PAMR1: variants seen among roughly 807,000 people sequenced by gnomAD.
PAMR1 encodes the protein peptidase domain containing associated with muscle regeneration 1.
PAMR1 carries 88 observed loss-of-function variants against 81.8 expected under a neutral mutation model. The ratio of observed to expected loss-of-function variants is 1.08; its 90% CI spans 0.91 to 1.28. The LOEUF (loss-of-function observed/expected upper bound fraction) is 1.28, where lower values mean the gene tolerates loss of function less well. PAMR1 is among the 50% of genes most tolerant of loss of function. The pLI is 0.00. For missense variants in PAMR1, 935 were observed against 919.7 expected, an observed-to-expected ratio of 1.02 and a Z score of -0.21; for synonymous variants, 336 against 345.3, an observed-to-expected ratio of 0.97 and a Z score of 0.30.
intron 1 of PAMR1, among the ~76,000 whole-genome samples, chr11:35,500,538 A>G (rs540403886): frequency 6.6e-6 from 1 of 152,380 alleles, no homozygotes; most frequent in African/African-American, 2.4e-5. Flanking sequence ...GGGAAAACTT[A>G]GAATGCTATA....
chr11:35,497,687 C>T (rs988653162), intron 1 of PAMR1, among the ~76,000 whole-genome samples: 1 of 152,024 alleles, frequency 6.6e-6, no homozygotes, highest in African/African-American at 2.4e-5. Context: ...TTTGTGTGTC[C>T]ATAAACCCTA....
chr11:35,480,689 C>T (rs961272510), intron 3 of PAMR1, among the ~76,000 whole-genome samples: 7 of 152,110 alleles, frequency 4.6e-5, no homozygotes, highest in Admixed American at 6.5e-5. Flanking sequence ...ATTTCTTTTT[C>T]TTTTTTTATT....
chr11:35,484,791 C>T (rs1001667360), intron 3 of PAMR1, among the ~76,000 whole-genome samples: 2 of 152,172 alleles, frequency 1.3e-5, no homozygotes, highest in Non-Finnish European at 2.9e-5. Context: ...ACTGCCATGC[C>T]AGCTAGAAGT....
Position 35,432,500 on chromosome 11 carries a change from G to A in PAMR1, c.2019C>T (p.Phe673=). 2 of 1,614,234 alleles carry A rather than the reference G, an allele frequency of 1.2e-6. No individual in the cohort carries two copies. The highest frequency in any genetic ancestry group is 1.1e-5 in the South Asian group (1 of 91,080). Residue 673 remains phenylalanine (F), a synonymous_variant, in exon 11 of 11, where the codon TTC becomes TTT. Coordinates refer to ENST00000619888, the MANE Select transcript of PAMR1 (RefSeq NM_001001991.3). The part of the protein sequence containing the change: ...AETGGIAAVS[F]PGRASPEPRW... ...GTGGCTCAGGAGATGCTCGTCCCGG[G>A]AAGGACACAGCCGCGATGCCTCCTG...
At chr11:35,475,383 A>G (rs761442056) in intron 3 of PAMR1, among the ~76,000 whole-genome samples, 14 of 152,200 alleles carry the variant, frequency 9.2e-5, no homozygotes, top group Non-Finnish European at 2.1e-4. Context: ...CAAGATCACC[A>G]ATAAAACTCA....
chr11:35,516,142 C>T (rs956157826), intron 1 of PAMR1, among the ~76,000 whole-genome samples: 2 of 152,122 alleles, frequency 1.3e-5, no homozygotes, highest in Admixed American at 1.3e-4. Flanking sequence ...CACAATTATC[C>T]TCAGTCTGCA....
chr11:35,434,006 C>T (rs962269816), intron 10 of PAMR1, among the ~76,000 whole-genome samples: 6 of 152,114 alleles, frequency 3.9e-5, no homozygotes, highest in Non-Finnish European at 7.4e-5. Context: ...TAGGACAGTG[C>T]CCAAATGTAA....
chr11:35,463,117 T>C (rs931239518), intron 6 of PAMR1, among the ~76,000 whole-genome samples: 1 of 152,240 alleles, frequency 6.6e-6, no homozygotes, highest in Non-Finnish European at 1.5e-5. Context: ...TTCGGCTTCA[T>C]GTTTTCATGA....
Position 35,452,658 on chromosome 11 carries a change from A to T in PAMR1, c.821-10965T>A, listed in dbSNP as rs541010463. Among the ~76,000 whole-genome samples, 50 of 152,332 alleles carry T rather than the reference A, an allele frequency of 3.3e-4. 1 individual carries two copies. In the South Asian group the frequency reaches 0.01, roughly 32 times the overall value. ...TTTTTTCCAAAGTTCTATAATCAGA[A>T]AATGTGACTGTAAAATTTTGTTATT... On this transcript the variant is annotated intron_variant, in intron 6 of 10. Coordinates refer to ENST00000619888, the MANE Select transcript of PAMR1 (RefSeq NM_001001991.3).
intron 1 of PAMR1, among the ~76,000 whole-genome samples, chr11:35,523,291 A>C (rs1851319134): frequency 6.6e-6 from 1 of 152,066 alleles, no homozygotes; most frequent in Non-Finnish European, 1.5e-5. Context: ...CCCTGGTTGC[A>C]TTTATGTTCA....
chr11:35,447,092 T>C, intron 6 of PAMR1, among the ~76,000 whole-genome samples: 1 of 152,188 alleles, frequency 6.6e-6, no homozygotes, highest in East Asian at 1.9e-4. Flanking sequence ...ATAATGCCCT[T>C]CTTTATCTTT....
At chr11:35,483,722 T>C (rs1850444110) in intron 3 of PAMR1, among the ~76,000 whole-genome samples, 1 of 152,224 alleles carries the variant, frequency 6.6e-6, no homozygotes, top group Admixed American at 6.5e-5. Flanking sequence ...TGGTTTAATC[T>C]AGTGATTTCT....
intron 1 of PAMR1, among the ~76,000 whole-genome samples, chr11:35,500,312 A>G (rs994604539): frequency 2.6e-5 from 4 of 152,150 alleles, no homozygotes; most frequent in South Asian, 4.1e-4. Context: ...CATTTTCTCC[A>G]CTGAGCACAA....
upstream of PAMR1, among the ~76,000 whole-genome samples, chr11:35,529,512 G>A (rs909649976): frequency 1.3e-5 from 2 of 152,178 alleles, no homozygotes; most frequent in African/African-American, 4.8e-5. Context: ...GTTGAATGCA[G>A]ATGGACCACT....
chr11:35,435,515 C>G (rs1385980130), intron 9 of PAMR1, among the ~76,000 whole-genome samples: 1 of 152,072 alleles, frequency 6.6e-6, no homozygotes, highest in Non-Finnish European at 1.5e-5. Context: ...AATCTAATAC[C>G]TCATTGCTTA....
At chr11:35,484,039 A>G (rs867699407) in intron 3 of PAMR1, among the ~76,000 whole-genome samples, 32 of 152,300 alleles carry the variant, frequency 2.1e-4, no homozygotes, top group Middle Eastern at 6.8e-3. Flanking sequence ...ACAACTAACA[A>G]ATAGAGCTCA....
chr11:35,462,808 G>C (rs1010019949), intron 6 of PAMR1, among the ~76,000 whole-genome samples: 1 of 152,168 alleles, frequency 6.6e-6, no homozygotes, highest in African/African-American at 2.4e-5. Flanking sequence ...CACCTGACTA[G>C]TTAATTGAAG....
intron 1 of PAMR1, 147 bp from the exon 2 acceptor site, chr11:35,494,419 T>C (rs1850686526): frequency 1.2e-5 from 8 of 648,282 alleles, no homozygotes; most frequent in East Asian, 8.5e-5. Context: ...CTGTAAGCTC[T>C]GCCTCCCGGG....
chr11:35,450,798 T>C (rs1856400188), intron 6 of PAMR1, among the ~76,000 whole-genome samples: 1 of 152,258 alleles, frequency 6.6e-6, no homozygotes, highest in Non-Finnish European at 1.5e-5. Flanking sequence ...TATTCCCATA[T>C]AGCAATAATC....
Sources: allele counts gnomAD v4.1 joint callset (sites outside exome capture counted in the v4.1 genomes callset), GRCh38; gene constraint gnomAD v4.1.1; transcripts MANE v1.5; gene names NCBI Gene and HGNC (gene_info 2026-07-23, HGNC 2026-07-21).